The following SEMA3A variants were observed in gnomAD, a reference collection of about 807,000 sequenced individuals.
SEMA3A encodes the protein semaphorin-3A.
In SEMA3A, 29 loss-of-function variants were observed where a neutral mutation model predicts 97.9. The ratio of observed to expected loss-of-function variants is 0.30; its 90% CI spans 0.22 to 0.40. The LOEUF is 0.40. Ranked by LOEUF, SEMA3A falls within the 10% of genes least tolerant of loss-of-function variation. SEMA3A has a pLI of 1.00. For synonymous variants in SEMA3A, 321 were observed against 323.7 expected (o/e 0.99, Z 0.09); for missense variants, 763 against 951.3 (o/e 0.80, Z 2.60).
chr7:84,296,944 C>T (rs556484445), intron 3 of SEMA3A, among the ~76,000 whole-genome samples: 8 of 152,118 alleles, frequency 5.3e-5, no homozygotes, highest in African/African-American at 1.7e-4. Context: ...AGATGGCTTT[C>T]TAAAAACAGT....
chr7:84,401,225 C>T (rs899440019), intron 1 of SEMA3A, among the ~76,000 whole-genome samples: 5 of 151,890 alleles, frequency 3.3e-5, no homozygotes, highest in African/African-American at 1.2e-4. Context: ...CAATAGTGAA[C>T]AATTTGAAAA....
intron 1 of SEMA3A, among the ~76,000 whole-genome samples, chr7:84,478,614 T>A (rs1490269349): frequency 6.6e-6 from 1 of 151,952 alleles, no homozygotes; most frequent in African/African-American, 2.4e-5. Context: ...TTTTATAGAC[T>A]ACAAAGGATT....
At chr7:84,402,207 C>T (rs1803923710) in intron 1 of SEMA3A, among the ~76,000 whole-genome samples, 1 of 152,086 alleles carries the variant, frequency 6.6e-6, no homozygotes, top group African/African-American at 2.4e-5. Flanking sequence ...CCTGGATAGA[C>T]ATTTCTTAAA....
At chr7:84,139,897 C>T (rs1342061166) in intron 1 of SEMA3A, among the ~76,000 whole-genome samples, 1 of 151,836 alleles carries the variant, frequency 6.6e-6, no homozygotes, top group Non-Finnish European at 1.5e-5. Flanking sequence ...TATAATGAGT[C>T]AATTTTAATT....
intron 1 of SEMA3A, among the ~76,000 whole-genome samples, chr7:84,420,573 T>C (rs1464709949): frequency 1.3e-5 from 2 of 151,924 alleles, no homozygotes; most frequent in Non-Finnish European, 2.9e-5. Flanking sequence ...TGAAGAATAA[T>C]GGCAAAAACT....
intron 2 of SEMA3A, among the ~76,000 whole-genome samples, chr7:84,318,317 G>GTTTTTTTTTTTTTTTTTTTTTTTTTT (rs71522699): frequency 1.0e-5 from 1 of 97,798 alleles, no homozygotes; most frequent in African/African-American, 3.9e-5. Context: ...TGATTTCTTG[G>GTTTTTTTTTTTTTTTTTTTTTTTTTT]TTTTTTTTTT....
chr7:84,248,132 G>A (rs1584165750), intron 3 of SEMA3A, among the ~76,000 whole-genome samples: 1 of 151,910 alleles, frequency 6.6e-6, no homozygotes, highest in South Asian at 2.1e-4. Flanking sequence ...CGGCATATGT[G>A]GTCTCCTTTC....
chr7:83,962,945 A>G (rs930868938), intron 16 of SEMA3A, among the ~76,000 whole-genome samples: 4 of 152,204 alleles, frequency 2.6e-5, no homozygotes, highest in African/African-American at 9.7e-5. Flanking sequence ...AGTAAGAAAT[A>G]AGGGGAGTCT....
chr7:84,065,635 C>G (rs567780679), intron 4 of SEMA3A, among the ~76,000 whole-genome samples: 8 of 151,506 alleles, frequency 5.3e-5, no homozygotes, highest in African/African-American at 1.9e-4. Flanking sequence ...GAGAATACTA[C>G]AAACACCTCT....
intron 1 of SEMA3A, among the ~76,000 whole-genome samples, chr7:84,445,781 G>A (rs980617098): frequency 1.3e-5 from 2 of 150,740 alleles, no homozygotes; most frequent in Non-Finnish European, 3.0e-5. Context: ...AGATCTCAAA[G>A]CAACACCTAA....
At chr7:84,102,256 A>G (rs1794978041) in intron 4 of SEMA3A, among the ~76,000 whole-genome samples, 1 of 152,222 alleles carries the variant, frequency 6.6e-6, no homozygotes. Context: ...AAGTGTGACT[A>G]TTAAAGTGTG....
intron 1 of SEMA3A, among the ~76,000 whole-genome samples, chr7:84,474,092 C>G (rs1806219230): frequency 6.6e-6 from 1 of 152,020 alleles, no homozygotes; most frequent in Non-Finnish European, 1.5e-5. Flanking sequence ...TATCTCTCAG[C>G]CTTGGAAATA....
chr7:84,300,153 A>C (rs1474261351), intron 3 of SEMA3A, among the ~76,000 whole-genome samples: 1 of 151,670 alleles, frequency 6.6e-6, no homozygotes, highest in African/African-American at 2.4e-5. Flanking sequence ...ATAAAGGAGA[A>C]AATAAAATAG....
At chr7:84,468,067 GA>G (rs1241863123) in intron 1 of SEMA3A, among the ~76,000 whole-genome samples, 1 of 152,128 alleles carries the variant, frequency 6.6e-6, no homozygotes, top group East Asian at 1.9e-4. Context: ...AAAAATTCTA[GA>G]GAGTAAATCC....
intron 1 of SEMA3A, among the ~76,000 whole-genome samples, chr7:84,188,779 T>C (rs1797957474): frequency 6.6e-6 from 1 of 152,016 alleles, no homozygotes; most frequent in African/African-American, 2.4e-5. Flanking sequence ...TAAATGTATG[T>C]ATTTGCTTTT....
chr7:84,063,103 C>A (rs1196948972), intron 4 of SEMA3A, among the ~76,000 whole-genome samples: 3 of 151,942 alleles, frequency 2.0e-5, no homozygotes, highest in African/African-American at 7.3e-5. Flanking sequence ...TCAAGTGGGT[C>A]CCTGACCCCT....
At chr7:84,063,448 G>A (rs1349454111) in intron 4 of SEMA3A, among the ~76,000 whole-genome samples, 1 of 151,318 alleles carries the variant, frequency 6.6e-6, no homozygotes, top group Non-Finnish European at 1.5e-5. Context: ...AGAGAAGAAG[G>A]CTTCAGACGA....
At chr7:84,059,299 G>C (rs765638812) in intron 5 of SEMA3A, among the ~76,000 whole-genome samples, 8 of 152,094 alleles carry the variant, frequency 5.3e-5, no homozygotes, top group Non-Finnish European at 7.4e-5. Flanking sequence ...GACTAAAAGT[G>C]TCCACATTTG....
intron 12 of SEMA3A, among the ~76,000 whole-genome samples, chr7:83,988,175 T>G (rs1011306967): frequency 2.0e-5 from 3 of 152,144 alleles, no homozygotes; most frequent in African/African-American, 7.2e-5. Context: ...TACTCTCCTT[T>G]GGATGCTATT....
Sources: allele counts gnomAD v4.1 joint callset (sites outside exome capture counted in the v4.1 genomes callset), GRCh38; gene constraint gnomAD v4.1.1; transcripts MANE v1.5; gene names NCBI Gene and HGNC (gene_info 2026-07-23, HGNC 2026-07-21).